The following SCN8A variants were observed in gnomAD, a reference collection of about 807,000 sequenced individuals.
The protein encoded by SCN8A is sodium voltage-gated channel alpha subunit 8.
Under a neutral mutation model 184.1 loss-of-function variants are expected in SCN8A, and 30 were observed. The ratio of observed to expected loss-of-function variants is 0.16; its 90% CI spans 0.12 to 0.22. The LOEUF is 0.22. SCN8A is among the 10% of genes least tolerant of loss of function. The pLI, the probability that SCN8A is intolerant of heterozygous loss-of-function variation, is 1.00. For synonymous variants in SCN8A, 852 were observed against 907.0 expected (o/e 0.94, Z 1.09); for missense variants, 1,057 against 2,498.9 (o/e 0.42, Z 12.30).
intron 2 of SCN8A, among the ~76,000 whole-genome samples, chr12:51,677,389 G>GT (rs914584538): frequency 8.6e-5 from 13 of 151,118 alleles, no homozygotes; most frequent in Middle Eastern, 3.4e-3. Flanking sequence ...AGCCCATCCT[G>GT]TTTTTTTTTA....
At position 51,807,462 on chromosome 12, in the gene SCN8A, A is replaced by G. The variant is rs1938742005; in HGVS notation, c.*33A>G. ...CAAAAATTCAGTATTATACAGATCTAAAACTCGCAAGTGAAAGATTGTTTA... is the reference window on the plus strand; with the variant it reads ...CAAAAATTCAGTATTATACAGATCTGAAACTCGCAAGTGAAAGATTGTTTA... On this transcript the variant is annotated 3_prime_UTR_variant, in exon 27 of 27. Transcript: ENST00000627620. The surrounding 1 kb of genome is among the most constrained non-coding windows in gnomAD (Gnocchi z 4.5). 3.2e-6 allele frequency: 5 copies of G among 1,569,750 alleles called. No individual in the cohort carries two copies. The highest frequency in any genetic ancestry group is 4.3e-6 in the Non-Finnish European group (5 of 1,154,646).
At position 51,713,524 on chromosome 12, in the gene SCN8A, G is replaced by T. The variant is rs535062883; in HGVS notation, c.1635+6809G>T. On this transcript the variant is annotated intron_variant, in intron 11 of 26. Coordinates refer to ENST00000627620, the MANE Select transcript of SCN8A (RefSeq NM_001330260.2). ...TTTTCTCAACTGCTCTGGTTCCTTT[G>T]GGTCATGGCCCTCTTCCTGCCGGTG... is the stretch of plus-strand genomic sequence containing the variant. 9.8e-5 allele frequency: 74 copies of T among 756,562 alleles called. No individual in the cohort carries two copies. In the African/African-American group the frequency reaches 1.1e-3, roughly 12 times the overall value. The allele number at this position is 756,562 out of a possible 1,614,324, so 46.9% of individuals were successfully genotyped here.
chr12:51,770,507 C>G (rs887416875), intron 18 of SCN8A, 22 bp from the exon 19 acceptor site: 74 of 1,561,728 alleles, frequency 4.7e-5, no homozygotes, highest in Non-Finnish European at 6.2e-5. Flanking sequence ...ACGGTCTGAC[C>G]CGCCTCTCCC....
chr12:51,779,850 C>T (rs565621358), intron 20 of SCN8A, among the ~76,000 whole-genome samples: 1 of 152,102 alleles, frequency 6.6e-6, no homozygotes, highest in Non-Finnish European at 1.5e-5. Flanking sequence ...ATTCAGTTGT[C>T]CAGACTCACC....
At position 51,730,449 on chromosome 12, in the gene SCN8A, G is replaced by C. The variant is rs138509346; in HGVS notation, c.1998+8541G>C. 4.6e-5 allele frequency among the ~76,000 whole-genome samples: 7 copies of C among 152,220 alleles called. No homozygotes were observed. In the East Asian group the frequency reaches 1.3e-3, roughly 29 times the overall value. On this transcript the variant is annotated intron_variant, in intron 12 of 26. Transcript: ENST00000627620. ...TTGTAACTTTAATTCTTGAAATGTG[G>C]TAGTATAAGCCCTAAGAACAAAAAA...
At chr12:51,628,938 A>G (rs1940137514) in intron 1 of SCN8A, among the ~76,000 whole-genome samples, 1 of 152,130 alleles carries the variant, frequency 6.6e-6, no homozygotes, top group African/African-American at 2.4e-5. Flanking sequence ...TCTTAAACCT[A>G]GATAAACATA....
intron 6 of SCN8A, among the ~76,000 whole-genome samples, chr12:51,690,902 C>T (rs1300299714): frequency 6.6e-6 from 1 of 152,188 alleles, no homozygotes; most frequent in Non-Finnish European, 1.5e-5. Context: ...CAACCAAAGG[C>T]TGGGTGTCAG....
chr12:51,692,915 G>T (rs1303414628), intron 6 of SCN8A, among the ~76,000 whole-genome samples: 2 of 152,116 alleles, frequency 1.3e-5, no homozygotes, highest in African/African-American at 2.4e-5. Flanking sequence ...CATTTAAATG[G>T]CTCCCCCAAA....
At chr12:51,702,751 G>C (rs779017803) in intron 8 of SCN8A, 22 bp from the exon 9 acceptor site, 2 of 1,559,216 alleles carry the variant, frequency 1.3e-6, no homozygotes, top group East Asian at 2.3e-5. Flanking sequence ...GAAAAGTCCT[G>C]AACTTCCCTT....
chr12:51,716,847 A>T (rs1941973260), intron 11 of SCN8A, among the ~76,000 whole-genome samples: 1 of 152,174 alleles, frequency 6.6e-6, no homozygotes, highest in Admixed American at 6.5e-5. Flanking sequence ...GTACAGATCA[A>T]CCAGTCCAAA....
At chr12:51,636,918 T>C (rs1282909586) in intron 1 of SCN8A, among the ~76,000 whole-genome samples, 1 of 152,260 alleles carries the variant, frequency 6.6e-6, no homozygotes, top group Non-Finnish European at 1.5e-5. Context: ...AATTTGCAGA[T>C]ACTGCATTTT....
At chr12:51,749,431 G>A (rs896292565) in intron 13 of SCN8A, among the ~76,000 whole-genome samples, 6 of 152,198 alleles carry the variant, frequency 3.9e-5, no homozygotes, top group African/African-American at 1.4e-4. Context: ...AGCAACAGTC[G>A]TTTGGAGAAG....
chr12:51,684,021 C>G, intron 2 of SCN8A, 153 bp from the exon 3 acceptor site: 1 of 658,116 alleles, frequency 1.5e-6, no homozygotes, highest in Non-Finnish European at 2.7e-6. Flanking sequence ...GTGGGGCAAA[C>G]ATTGTGTTAA....
intron 2 of SCN8A, among the ~76,000 whole-genome samples, chr12:51,670,091 A>C (rs1941104357): frequency 6.6e-6 from 1 of 152,244 alleles, no homozygotes; most frequent in South Asian, 2.1e-4. Context: ...TTATTTACCA[A>C]ATCAAATTGA....
intron 1 of SCN8A, among the ~76,000 whole-genome samples, chr12:51,606,413 C>T (rs1355714438): frequency 6.6e-6 from 1 of 152,078 alleles, no homozygotes; most frequent in Non-Finnish European, 1.5e-5. Context: ...TTTGAGTTTA[C>T]TTCTGGGTTC....
rs190591399 is a variant in SCN8A at position 51,616,670 on chromosome 12, C to T, written c.-55+25311C>T. ...CATGGTGGTTCCTGCTTGTCATCTC[C>T]GCACTTTGGGAGGCTGACATGGGAG... On this transcript the variant is annotated intron_variant, in intron 1 of 26. Coordinates refer to ENST00000627620, the MANE Select transcript of SCN8A (RefSeq NM_001330260.2). 1.1e-3 allele frequency among the ~76,000 whole-genome samples: 168 copies of T among 152,104 alleles called. 1 individual carries two copies. Among genetic ancestry groups the T allele is most frequent in the African/African-American group, 3.8e-3 (156 of 41,488 alleles).
At position 51,699,815 on chromosome 12, in the gene SCN8A, A is replaced by G. The variant is rs1275886973; in HGVS notation, c.928+24A>G. On this transcript the variant is annotated intron_variant, in intron 7 of 26. Coordinates refer to ENST00000627620, the MANE Select transcript of SCN8A (RefSeq NM_001330260.2). ...AAGTAGGTGGCCTCTTCTCTGCAAGAGGAATAGGAAAAGTCTATTCCTAGT... is the reference window on the plus strand; with the variant it reads ...AAGTAGGTGGCCTCTTCTCTGCAAGGGGAATAGGAAAAGTCTATTCCTAGT... 1.1e-5 allele frequency: 17 copies of G among 1,579,672 alleles called. No homozygotes were observed. In the East Asian group the frequency reaches 3.6e-4, roughly 34 times the overall value.
chr12:51,793,700 T>C (rs1938329492), intron 25 of SCN8A, among the ~76,000 whole-genome samples: 1 of 152,104 alleles, frequency 6.6e-6, no homozygotes, highest in African/African-American at 2.4e-5. Flanking sequence ...CAGCTGGGTA[T>C]AGTGGTGCAC....
At position 51,753,992 on chromosome 12, in the gene SCN8A, C is replaced by A. The variant is rs531462548; in HGVS notation, c.2370+2399C>A. On this transcript the variant is annotated intron_variant, in intron 14 of 26. Coordinates refer to ENST00000627620, the MANE Select transcript of SCN8A (RefSeq NM_001330260.2). ...TAATTGTGAGTTAAGTTGTCTTTGT[C>A]TGTAGACATACAGAAAGATGTTTTT... Among the ~76,000 whole-genome samples the A allele has an allele frequency of 3.3e-5, 5 of 151,880 alleles. 1 individual carries two copies. The highest frequency in any genetic ancestry group is 1.2e-4 in the African/African-American group (5 of 41,424).
Sources: allele counts gnomAD v4.1 joint callset (sites outside exome capture counted in the v4.1 genomes callset), GRCh38; gene constraint gnomAD v4.1.1; non-coding constraint Gnocchi (gnomAD v3.1); transcripts MANE v1.5; gene names NCBI Gene and HGNC (gene_info 2026-07-23, HGNC 2026-07-21).